The following IKZF2 variants were observed in gnomAD, a reference collection of about 807,000 sequenced individuals.
IKZF2 encodes zinc finger protein Helios.
Under a neutral mutation model 49.2 loss-of-function variants are expected in IKZF2, and 15 were observed. The observed-to-expected ratio is 0.30, with a 90% CI of 0.20 to 0.47. IKZF2 has a LOEUF of 0.47. IKZF2 is among the 20% of genes least tolerant of loss of function. The pLI, the probability that IKZF2 is intolerant of heterozygous loss-of-function variation, is 1.00. For missense variants in IKZF2, 567 were observed against 664.6 expected (o/e 0.85, Z 1.61); for synonymous variants, 227 against 221.4 (o/e 1.03, Z -0.23).
rs1695178868 is a variant in IKZF2, at chr2:213,004,684, T to C, written c.*2676A>G. 1 of 151,758 alleles carries C rather than the reference T, an allele frequency of 6.6e-6. No homozygotes were observed. Among genetic ancestry groups the C allele is most frequent in the East Asian group, 1.9e-4 (1 of 5,154 alleles). 9.4% of individuals were successfully genotyped at this position (151,758 alleles called of 1,614,324 possible). On this transcript the variant is annotated 3_prime_UTR_variant, in exon 9 of 9. Transcript: ENST00000434687. The stretch of plus-strand genomic sequence containing the variant: ...GGCATGCACATATAACCATCCAGAG[T>C]TTCTCCAAAAACACTACGTCCACAA...
intron 4 of IKZF2, among the ~76,000 whole-genome samples, chr2:213,093,680 C>A (rs1574821855): frequency 6.6e-6 from 1 of 152,108 alleles, no homozygotes; most frequent in Admixed American, 6.6e-5. Context: ...AAGCTTAGTG[C>A]CTGACCCAAA....
intron 4 of IKZF2, among the ~76,000 whole-genome samples, chr2:213,063,695 A>G (rs1701911864): frequency 1.3e-5 from 2 of 152,056 alleles, no homozygotes; most frequent in African/African-American, 4.8e-5. Context: ...CATGGTTGTT[A>G]AGTGGCTATT....
At chr2:213,124,240 T>G (rs9711872) in intron 4 of IKZF2, among the ~76,000 whole-genome samples, 8,845 of 117,866 alleles carry the variant, frequency 0.075, 800 homozygotes, top group East Asian at 0.29. Flanking sequence ...ACACATGCGC[T>G]CGCGCGCGCG....
intron 4 of IKZF2, among the ~76,000 whole-genome samples, chr2:213,059,323 T>C (rs1258959914): frequency 6.6e-6 from 1 of 151,702 alleles, no homozygotes; most frequent in Non-Finnish European, 1.5e-5. Context: ...TCAAGGGCAT[T>C]TTTTGGCATA....
chr2:213,150,708 G>GT (rs1240277425), intron 1 of IKZF2, among the ~76,000 whole-genome samples: 47 of 135,740 alleles, frequency 3.5e-4, no homozygotes, highest in Non-Finnish European at 6.4e-4. Context: ...GAAAAGGGGG[G>GT]GGGGGCGGGT....
intron 4 of IKZF2, among the ~76,000 whole-genome samples, chr2:213,122,454 T>C (rs542513074): frequency 3.3e-5 from 5 of 152,326 alleles, no homozygotes; most frequent in South Asian, 4.1e-4. Context: ...GGTCTGGGAC[T>C]GTTTATTTTT....
rs557514783 is a variant in IKZF2, at chr2:213,089,777, A to T, written c.140-32678T>A. Among the ~76,000 whole-genome samples the T allele has an allele frequency of 2.6e-5, 4 of 152,302 alleles. No homozygotes were observed. The South Asian group carries it at 8.3e-4, about 32-fold the overall frequency. On this transcript the variant is annotated intron_variant, in intron 4 of 8. Coordinates refer to ENST00000434687, the MANE Select transcript of IKZF2 (RefSeq NM_001387220.1). ...GGGGGAGAAGGGTTAGTAAAAGGTAAGTATAGAGAAAAAAGTAGAGCCTAG... is the reference window on the plus strand; with the variant it reads ...GGGGGAGAAGGGTTAGTAAAAGGTATGTATAGAGAAAAAAGTAGAGCCTAG...
intron 4 of IKZF2, among the ~76,000 whole-genome samples, chr2:213,062,719 C>T (rs573048094): frequency 1.3e-5 from 2 of 151,976 alleles, no homozygotes; most frequent in East Asian, 3.9e-4. Flanking sequence ...CAGTCTATGC[C>T]AGACACTTGA....
intron 4 of IKZF2, among the ~76,000 whole-genome samples, chr2:213,065,447 A>G (rs560994674): frequency 6.6e-6 from 1 of 152,222 alleles, no homozygotes; most frequent in South Asian, 2.1e-4. Flanking sequence ...CTGCTGATTT[A>G]CGTATGATAT....
At chr2:213,133,115 T>C (rs1175550518) in intron 4 of IKZF2, among the ~76,000 whole-genome samples, 3 of 152,220 alleles carry the variant, frequency 2.0e-5, no homozygotes, top group African/African-American at 7.2e-5. Flanking sequence ...ATTTGATATA[T>C]GTTTGTGGGA....
rs1344150360 is a variant in IKZF2 at position 213,003,628 on chromosome 2, T to C, written c.*3732A>G. On this transcript the variant is annotated 3_prime_UTR_variant, in exon 9 of 9. Transcript: ENST00000434687. ...GTACCCTAAGAAATCATTTTGGAGATAGGATGAAATAAAATTTGGAAGATA... is the reference window on the plus strand; with the variant it reads ...GTACCCTAAGAAATCATTTTGGAGACAGGATGAAATAAAATTTGGAAGATA... The C allele has an allele frequency of 1.3e-5, 2 of 151,792 alleles. No homozygotes were observed. Among genetic ancestry groups the C allele is most frequent in the South Asian group, 2.1e-4 (1 of 4,828 alleles). The allele number at this position is 151,792 out of a possible 1,614,324, so 9.4% of individuals were successfully genotyped here.
chr2:213,060,654 A>G (rs1413731458), intron 4 of IKZF2, among the ~76,000 whole-genome samples: 1 of 151,502 alleles, frequency 6.6e-6, no homozygotes, highest in African/African-American at 2.4e-5. Context: ...TACACACGTT[A>G]TCATATGCTA....
chr2:213,112,683 T>A (rs1285648880), intron 4 of IKZF2, among the ~76,000 whole-genome samples: 3 of 152,130 alleles, frequency 2.0e-5, no homozygotes, highest in Non-Finnish European at 4.4e-5. Flanking sequence ...AAGTGTTGGT[T>A]TCTATACATT....
At chr2:213,072,751 G>A (rs1462395360) in intron 4 of IKZF2, among the ~76,000 whole-genome samples, 2 of 151,984 alleles carry the variant, frequency 1.3e-5, no homozygotes, top group Non-Finnish European at 2.9e-5. Context: ...TTTATTTTAA[G>A]CTTTTGCTGA....
intron 5 of IKZF2, chr2:213,056,574 C>A (rs1574656104): frequency 1.7e-6 from 1 of 577,234 alleles, no homozygotes; most frequent in Non-Finnish European, 3.1e-6. Flanking sequence ...ACCTTTTGAA[C>A]CCTTATCATA....
At position 213,006,837 on chromosome 2, in the gene IKZF2, G is replaced by T. The variant is rs1031915680; in HGVS notation, c.*523C>A. ...ACCCACAACAACTCAGCTCCTCTTA[G>T]GAGTTATCACTGAAAATAACAATGT... On this transcript the variant is annotated 3_prime_UTR_variant, in exon 9 of 9. Coordinates refer to ENST00000434687, the MANE Select transcript of IKZF2 (RefSeq NM_001387220.1). The T allele has an allele frequency of 1.9e-5, 3 of 155,424 alleles. No individual in the cohort carries two copies. The highest frequency in any genetic ancestry group is 7.2e-5 in the African/African-American group (3 of 41,438). The allele number at this position is 155,424 out of a possible 1,614,324, so 9.6% of individuals were successfully genotyped here.
At chr2:213,117,186 G>A (rs1251249083) in intron 4 of IKZF2, among the ~76,000 whole-genome samples, 1 of 152,072 alleles carries the variant, frequency 6.6e-6, no homozygotes, top group East Asian at 1.9e-4. Flanking sequence ...ACTGAAAGGA[G>A]CAACTGTCAT....
intron 6 of IKZF2, among the ~76,000 whole-genome samples, chr2:213,040,058 C>T (rs1044561777): frequency 2.6e-5 from 4 of 151,874 alleles, no homozygotes; most frequent in East Asian, 3.8e-4. Flanking sequence ...TGGATGATTC[C>T]GTTTTTGAGC....
chr2:213,028,704 C>G (rs1203522199), intron 6 of IKZF2, among the ~76,000 whole-genome samples: 1 of 152,060 alleles, frequency 6.6e-6, no homozygotes, highest in Non-Finnish European at 1.5e-5. Flanking sequence ...TTGATTTAAT[C>G]TCAGTATGTC....
Sources: allele counts gnomAD v4.1 joint callset (sites outside exome capture counted in the v4.1 genomes callset), GRCh38; gene constraint gnomAD v4.1.1; transcripts MANE v1.5; gene names NCBI Gene and HGNC (gene_info 2026-07-23, HGNC 2026-07-21).